Variants in CDH7 observed in about 807,000 individuals in gnomAD.
CDH7 encodes the protein cadherin 7, also known as cadherin-7.
In CDH7, 25 loss-of-function variants were observed where a neutral mutation model predicts 71.8. The ratio of observed to expected loss-of-function variants is 0.35; its 90% CI spans 0.25 to 0.49. CDH7 has a LOEUF of 0.49. CDH7 is among the 20% of genes least tolerant of loss of function. CDH7 has a pLI of 0.99. For missense variants in CDH7, 862 were observed against 974.6 expected, an observed-to-expected ratio of 0.88 and a Z score of 1.54; for synonymous variants, 381 against 363.8, an observed-to-expected ratio of 1.05 and a Z score of -0.54.
chr18:65,813,878 C>T (rs537254616), intron 3 of CDH7, among the ~76,000 whole-genome samples: 8 of 152,220 alleles, frequency 5.3e-5, no homozygotes, highest in South Asian at 2.1e-4. Flanking sequence ...TCCTCTTTTA[C>T]GAGGGGTTTG....
rs1210392734 is a variant in CDH7 at position 65,782,156 on chromosome 18, T to C, written c.210+19104T>C. Reference sequence around the variant, plus strand: ...TTTCTTTCTTTCTTTCTTTCTTTCTTTCTTTCTTCCTTTCTTTCTTTCTTT... The same window carrying C: ...TTTCTTTCTTTCTTTCTTTCTTTCTCTCTTTCTTCCTTTCTTTCTTTCTTT... On this transcript the variant is annotated intron_variant, in intron 2 of 11. Transcript: ENST00000397968. Among the ~76,000 whole-genome samples the C allele has an allele frequency of 1.7e-5, 2 of 120,018 alleles. 1 individual carries two copies. Among genetic ancestry groups the C allele is most frequent in the African/African-American group, 8.3e-5 (2 of 24,206 alleles). 78.7% of individuals were successfully genotyped at this position (120,018 alleles called of 152,430 possible).
At chr18:65,835,969 A>C (rs769335694) in intron 6 of CDH7, among the ~76,000 whole-genome samples, 1 of 152,184 alleles carries the variant, frequency 6.6e-6, no homozygotes. Flanking sequence ...CTCCTTAAAG[A>C]GGAAAGAAGG....
rs1914301353 is a variant in CDH7, at chr18:65,883,895, A to T, written c.*3001A>T. ...AAGTGAAATCCTTGGAGCTACTTGT[A>T]GACAGGGAGAGGAGTCACTTCTTTA... On this transcript the variant is annotated 3_prime_UTR_variant, in exon 12 of 12. Transcript: ENST00000397968. The T allele has an allele frequency of 6.6e-6, 1 of 152,146 alleles. No individual in the cohort carries two copies. The highest frequency in any genetic ancestry group is 2.4e-5 in the African/African-American group (1 of 41,450). The allele number at this position is 152,146 out of a possible 1,614,324, so 9.4% of individuals were successfully genotyped here.
At chr18:65,831,331 T>C (rs751197577) in intron 6 of CDH7, among the ~76,000 whole-genome samples, 33 of 152,158 alleles carry the variant, frequency 2.2e-4, no homozygotes, top group Admixed American at 7.2e-4. Flanking sequence ...TTCACATCCC[T>C]GAAACCTTCC....
At position 65,888,823 on chromosome 18, in the gene CDH7, G is replaced by T; in HGVS notation, c.*7929G>T. 1 of 151,880 alleles carries T rather than the reference G, an allele frequency of 6.6e-6. No homozygotes were observed. Among genetic ancestry groups the T allele is most frequent in the Non-Finnish European group, 1.5e-5 (1 of 67,930 alleles). The allele number at this position is 151,880 out of a possible 1,614,324, so 9.4% of individuals were successfully genotyped here. Reference sequence around the variant, plus strand: ...AGAAGAAGAAGAAGAAAAAAACATTGGGACATTTTGCCCTTTATCTTTTTA... The same window carrying T: ...AGAAGAAGAAGAAGAAAAAAACATTTGGACATTTTGCCCTTTATCTTTTTA... On this transcript the variant is annotated 3_prime_UTR_variant, in exon 12 of 12. Transcript: ENST00000397968.
intron 11 of CDH7, among the ~76,000 whole-genome samples, chr18:65,871,726 A>G (rs1481989680): frequency 6.6e-6 from 1 of 152,234 alleles, no homozygotes; most frequent in East Asian, 1.9e-4. Context: ...AGTGAGAGCC[A>G]TTGGACAGAA....
At chr18:65,767,317 T>C in intron 2 of CDH7, among the ~76,000 whole-genome samples, 1 of 152,158 alleles carries the variant, frequency 6.6e-6, no homozygotes, top group East Asian at 1.9e-4. Context: ...TATCTAAAGA[T>C]ACATTCAGTG....
chr18:65,756,862 A>G lies in CDH7; in HGVS notation c.-197+5712A>G, dbSNP rs112555422. Among the ~76,000 whole-genome samples, 1,434 of 152,330 alleles carry G rather than the reference A, an allele frequency of 9.4e-3. 26 individuals are homozygous for G. The highest frequency in any genetic ancestry group is 0.033 in the African/African-American group (1,377 of 41,572). On this transcript the variant is annotated intron_variant, in intron 1 of 11. Coordinates refer to ENST00000397968, the MANE Select transcript of CDH7 (RefSeq NM_004361.5). ...TGTACTTTTTAAAAAAGCAGTCTAGAACATATGAATTAATTGGCAGTTAGC... is the reference window on the plus strand; with the variant it reads ...TGTACTTTTTAAAAAAGCAGTCTAGGACATATGAATTAATTGGCAGTTAGC...
At chr18:65,763,592 GGGGTGTGTGTGTGTGT>G (rs1568172586) in intron 2 of CDH7, among the ~76,000 whole-genome samples, 1 of 131,038 alleles carries the variant, frequency 7.6e-6, no homozygotes, top group Admixed American at 7.6e-5. Flanking sequence ...TTTTGATAGG[GGGGTGTGTGTGTGTGT>G]GTGTGTGTGT....
intron 2 of CDH7, among the ~76,000 whole-genome samples, chr18:65,807,242 G>A (rs1404882027): frequency 3.9e-5 from 6 of 152,154 alleles, no homozygotes; most frequent in East Asian, 3.9e-4. Context: ...TGACAACCCC[G>A]TAATGTTTAA....
chr18:65,880,535 G>T lies in CDH7; in HGVS notation c.1999G>T (p.Asp667Tyr). The T allele has an allele frequency of 6.2e-7, 1 of 1,613,792 alleles. No homozygotes were observed. Reference protein sequence around the residue: ...GGGEEDTEAFDMAALRNLNVI... With the variant: ...GGGEEDTEAFYMAALRNLNVI... ...GGGAGAGGAGGACACGGAAGCGTTTGACATGGCTGCACTGAGAAACCTCAA... is the reference window on the plus strand; with the variant it reads ...GGGAGAGGAGGACACGGAAGCGTTTTACATGGCTGCACTGAGAAACCTCAA... Residue 667 changes from aspartate to tyrosine, a missense_variant, in exon 12 of 12, where the codon GAC (aspartate) becomes TAC (tyrosine). Coordinates refer to ENST00000397968, the MANE Select transcript of CDH7 (RefSeq NM_004361.5).
intron 6 of CDH7, among the ~76,000 whole-genome samples, chr18:65,831,411 T>A (rs1912344733): frequency 6.6e-6 from 1 of 152,146 alleles, no homozygotes; most frequent in Non-Finnish European, 1.5e-5. Context: ...TGTCTTTCCA[T>A]CATGAGGTCA....
chr18:65,831,000 A>G (rs1054757572), intron 6 of CDH7, among the ~76,000 whole-genome samples: 8 of 152,074 alleles, frequency 5.3e-5, no homozygotes, highest in African/African-American at 1.9e-4. Flanking sequence ...TCAAAACTAT[A>G]TATTTTTATT....
At chr18:65,879,990 A>G (rs1308794211) in intron 11 of CDH7, among the ~76,000 whole-genome samples, 1 of 152,204 alleles carries the variant, frequency 6.6e-6, no homozygotes, top group African/African-American at 2.4e-5. Context: ...GTGAAATTGC[A>G]GTTGTTAAAT....
intron 11 of CDH7, among the ~76,000 whole-genome samples, chr18:65,876,803 C>T (rs1489925248): frequency 3.3e-5 from 5 of 152,204 alleles, no homozygotes; most frequent in Non-Finnish European, 7.3e-5. Flanking sequence ...CTATGTGCAA[C>T]ATTACACTAC....
intron 11 of CDH7, among the ~76,000 whole-genome samples, chr18:65,868,960 A>G (rs17075336): frequency 0.058 from 8,846 of 152,198 alleles, 312 homozygotes; most frequent in Middle Eastern, 0.078. Flanking sequence ...AGGTCTACCA[A>G]TGTATGTTCC....
intron 2 of CDH7, among the ~76,000 whole-genome samples, chr18:65,767,109 G>A (rs796761917): frequency 7.0e-5 from 7 of 100,422 alleles, no homozygotes; most frequent in African/African-American, 3.4e-4. Context: ...TTTTTTTTTG[G>A]CTACTCCTCT....
intron 2 of CDH7, among the ~76,000 whole-genome samples, chr18:65,776,687 C>T (rs73963788): frequency 0.014 from 2,129 of 152,192 alleles, 51 homozygotes; most frequent in African/African-American, 0.048. Context: ...TCATCGAATT[C>T]ATTGAAGTTT....
rs751071357 is a variant in CDH7 at position 65,763,043 on chromosome 18, T to C, written c.201T>C (p.Tyr67=). 3.1e-6 allele frequency: 5 copies of C among 1,608,840 alleles called. No individual in the cohort carries two copies. The African/African-American group carries it at 5.3e-5, about 17-fold the overall frequency. The change falls in exon 2 of 12, where the codon TAT becomes TAC. Residue 67 remains tyrosine (Y), a synonymous_variant. Transcript: ENST00000397968. Reference sequence around the variant, plus strand: ...AATACATGGGTTCAGACCCCCTCTATGTAGGAAAGGTAGGGTATTGTGACC... The same window carrying C: ...AATACATGGGTTCAGACCCCCTCTACGTAGGAAAGGTAGGGTATTGTGACC... ...LEEYMGSDPL[Y]VGKLHSDVDK...
Sources: gnomAD v4.1 joint callset for allele counts (sites outside exome capture counted in the v4.1 genomes callset) on GRCh38, gnomAD v4.1.1 for gene constraint, MANE v1.5 for transcripts, NCBI Gene and HGNC (gene_info 2026-07-23, HGNC 2026-07-21) for gene names.